CORO2B: variants seen among roughly 807,000 people sequenced by gnomAD.
CORO2B encodes coronin 2B, also known as coronin-2B.
In CORO2B, 26 loss-of-function variants were observed where a neutral mutation model predicts 58.8. The ratio of observed to expected loss-of-function variants is 0.44; its 90% CI spans 0.32 to 0.61. CORO2B has a LOEUF of 0.61. CORO2B is among the 20% of genes least tolerant of loss of function. The pLI is 0.04. For synonymous variants in CORO2B, 242 were observed against 253.8 expected, an observed-to-expected ratio of 0.95 and a Z score of 0.44; for missense variants, 460 against 645.1, an observed-to-expected ratio of 0.71 and a Z score of 3.11.
At chr15:68,616,104 G>A (rs1348937805) in intron 1 of CORO2B, among the ~76,000 whole-genome samples, 1 of 152,184 alleles carries the variant, frequency 6.6e-6, no homozygotes, top group African/African-American at 2.4e-5. Context: ...ACCCAGCTCA[G>A]ACTGGTTAAG....
the CORO2B span, among the ~76,000 whole-genome samples, chr15:68,527,886 T>C: frequency 1.3e-5 from 2 of 152,194 alleles, no homozygotes; most frequent in African/African-American, 4.8e-5. Context: ...TTCCTATTAA[T>C]TGATGCTACT....
At chr15:68,552,477 T>TTGGGGGGGGGGGGGGGGGGGGG in the CORO2B span, among the ~76,000 whole-genome samples, 1 of 124,974 alleles carries the variant, frequency 8.0e-6, no homozygotes, top group Admixed American at 8.3e-5. Context: ...CGCGGGGGGG[T>TTGGGGGGGGGGGGGGGGGGGGG]GGGGGGGGCA....
At chr15:68,545,995 C>G in the CORO2B span, among the ~76,000 whole-genome samples, 21 of 152,302 alleles carry the variant, frequency 1.4e-4, no homozygotes, top group Non-Finnish European at 2.6e-4. Context: ...GACCCCACCT[C>G]TCTCTGCCCT....
intron 1 of CORO2B, among the ~76,000 whole-genome samples, chr15:68,582,117 G>A (rs997018969): frequency 5.9e-5 from 9 of 152,118 alleles, no homozygotes; most frequent in Non-Finnish European, 1.0e-4. Context: ...ACATCCCCTT[G>A]CCCCCTTAAC....
At chr15:68,609,164 G>A (rs1010359577) in intron 1 of CORO2B, among the ~76,000 whole-genome samples, 4 of 152,216 alleles carry the variant, frequency 2.6e-5, no homozygotes, top group African/African-American at 9.7e-5. Context: ...CAGATACGCA[G>A]GGAGAGGGAA....
At chr15:68,556,734 C>G in the CORO2B span, among the ~76,000 whole-genome samples, 5 of 152,220 alleles carry the variant, frequency 3.3e-5, no homozygotes, top group Admixed American at 3.3e-4. Context: ...GTCTTCTCCC[C>G]CTCCCAGATC....
chr15:68,688,737 A>G (rs754148048), intron 2 of CORO2B, among the ~76,000 whole-genome samples: 8 of 152,320 alleles, frequency 5.3e-5, no homozygotes, highest in Non-Finnish European at 1.0e-4. Context: ...TGCTGTCCCT[A>G]TGATAAATAA....
intron 1 of CORO2B, among the ~76,000 whole-genome samples, chr15:68,596,474 CA>C (rs1899832994): frequency 6.6e-6 from 1 of 152,112 alleles, no homozygotes; most frequent in Non-Finnish European, 1.5e-5. Flanking sequence ...GAGGCTCCAG[CA>C]GGAGCCTGCC....
rs75527157 is a variant in CORO2B at position 68,616,203 on chromosome 15, C to T, written c.16-28957C>T. On this transcript the variant is annotated intron_variant, in intron 1 of 11. Coordinates refer to ENST00000261861, the MANE Select transcript of CORO2B (RefSeq NM_006091.5). ...AATTGGGTTGCTGTCGGGGATATGGCTAATCAGAATTATCACTGGAGCCTT... is the reference window on the plus strand; with the variant it reads ...AATTGGGTTGCTGTCGGGGATATGGTTAATCAGAATTATCACTGGAGCCTT... 6.6e-3 allele frequency among the ~76,000 whole-genome samples: 998 copies of T among 152,220 alleles called. 11 individuals carry two copies. The highest frequency in any genetic ancestry group is 0.023 in the African/African-American group (944 of 41,502).
In CORO2B at chr15:68,641,864, T is replaced by C. The variant is rs866552804; in HGVS notation, c.16-3296T>C. 2.0e-5 allele frequency among the ~76,000 whole-genome samples: 3 copies of C among 152,116 alleles called. No individual in the cohort carries two copies. In the South Asian group the frequency reaches 6.2e-4, roughly 32 times the overall value. On this transcript the variant is annotated intron_variant, in intron 1 of 11. Transcript: ENST00000261861. ...TCAGCCTCCCAAGTAGCTGAGACTA[T>C]AGGTGTGTACCACTATGCCTGGCTA...
At chr15:68,611,564 G>A (rs1251589567) in intron 1 of CORO2B, among the ~76,000 whole-genome samples, 2 of 152,050 alleles carry the variant, frequency 1.3e-5, no homozygotes, top group African/African-American at 4.8e-5. Flanking sequence ...TCAACTGAAA[G>A]CATGTCATAG....
chr15:68,667,677 C>T (rs1412290532), intron 2 of CORO2B, among the ~76,000 whole-genome samples: 2 of 152,216 alleles, frequency 1.3e-5, no homozygotes, highest in Non-Finnish European at 2.9e-5. Context: ...TTCACTACCT[C>T]CCCCTTCTCA....
the CORO2B span, among the ~76,000 whole-genome samples, chr15:68,531,420 C>G: frequency 4.4e-3 from 675 of 151,948 alleles, 7 homozygotes; most frequent in African/African-American, 0.015. Flanking sequence ...TCACTTGAAC[C>G]CAGGAGATGG....
intron 1 of CORO2B, among the ~76,000 whole-genome samples, chr15:68,638,288 T>C (rs183475679): frequency 8.8e-4 from 130 of 148,392 alleles, no homozygotes; most frequent in African/African-American, 3.1e-3. Flanking sequence ...AGTCAGAGAC[T>C]CCCTCACAGG....
chr15:68,654,891 A>C (rs932675402), intron 2 of CORO2B, among the ~76,000 whole-genome samples: 1 of 152,222 alleles, frequency 6.6e-6, no homozygotes, highest in African/African-American at 2.4e-5. Flanking sequence ...TGTCTGGCAC[A>C]GTCCCTGAGT....
intron 2 of CORO2B, among the ~76,000 whole-genome samples, chr15:68,683,527 A>G (rs1902861418): frequency 1.3e-5 from 2 of 151,966 alleles, no homozygotes; most frequent in South Asian, 2.1e-4. Context: ...TTTTTTTGCC[A>G]CTGCTCGCAT....
intron 1 of CORO2B, among the ~76,000 whole-genome samples, chr15:68,637,221 T>G (rs1438055786): frequency 6.6e-6 from 1 of 152,184 alleles, no homozygotes; most frequent in East Asian, 1.9e-4. Flanking sequence ...CCTCCCATTG[T>G]CTGTTTGGCT....
At chr15:68,547,594 G>A in the CORO2B span, among the ~76,000 whole-genome samples, 3 of 151,822 alleles carry the variant, frequency 2.0e-5, no homozygotes, top group Non-Finnish European at 2.9e-5. Context: ...CACCTGCCTC[G>A]GTCTCCCAAA....
At chr15:68,530,669 G>T in the CORO2B span, among the ~76,000 whole-genome samples, 2 of 152,048 alleles carry the variant, frequency 1.3e-5, no homozygotes, top group Non-Finnish European at 2.9e-5. Context: ...GAGGATTTTT[G>T]TGTCTTCTTG....
Sources: gnomAD v4.1 joint callset for allele counts (sites outside exome capture counted in the v4.1 genomes callset) on GRCh38, gnomAD v4.1.1 for gene constraint, MANE v1.5 for transcripts, NCBI Gene and HGNC (gene_info 2026-07-23, HGNC 2026-07-21) for gene names.